ABLIM2: variants seen among roughly 807,000 people sequenced by gnomAD.
ABLIM2 encodes the protein actin binding LIM protein family member 2, also known as actin-binding LIM protein 2.
ABLIM2 carries 53 observed loss-of-function variants against 97.7 expected under a neutral mutation model. That is an observed-to-expected ratio of 0.54 (90% CI 0.44 to 0.68). The LOEUF is 0.68. Among genes scored for constraint, ABLIM2 ranks in the 30% least tolerant of loss-of-function variants. The pLI is 0.00. For synonymous variants in ABLIM2, 361 were observed against 345.8 expected, an observed-to-expected ratio of 1.04 and a Z score of -0.49; for missense variants, 835 against 867.2, an observed-to-expected ratio of 0.96 and a Z score of 0.47.
At chr4:8,048,257 T>C (rs1013926656) in intron 8 of ABLIM2, among the ~76,000 whole-genome samples, 5 of 152,164 alleles carry the variant, frequency 3.3e-5, no homozygotes, top group African/African-American at 1.2e-4. Context: ...CCAACTCCAA[T>C]CGCACAAAGG....
intron 1 of ABLIM2, among the ~76,000 whole-genome samples, chr4:8,141,461 GC>G (rs1374679099): frequency 1.3e-5 from 2 of 152,192 alleles, no homozygotes; most frequent in Non-Finnish European, 2.9e-5. Context: ...AATGATCTTT[GC>G]CAAACACATG....
At chr4:8,040,466 C>T (rs772249765) in intron 9 of ABLIM2, among the ~76,000 whole-genome samples, 1 of 152,090 alleles carries the variant, frequency 6.6e-6, no homozygotes, top group Non-Finnish European at 1.5e-5. Context: ...CAAAAGTTAG[C>T]CAGGCATGGT....
intron 10 of ABLIM2, among the ~76,000 whole-genome samples, chr4:8,031,697 G>T (rs912899598): frequency 1.3e-5 from 2 of 151,944 alleles, no homozygotes; most frequent in African/African-American, 4.8e-5. Flanking sequence ...TTGCCTCTGG[G>T]TGTCGTGGTG....
Position 8,132,560 on chromosome 4 carries a change from C to T in ABLIM2, c.11-25923G>A, listed in dbSNP as rs1849584921. Among the ~76,000 whole-genome samples the T allele has an allele frequency of 6.6e-6, 1 of 152,168 alleles. No individual in the cohort carries two copies. The highest frequency in any genetic ancestry group is 2.4e-5 in the African/African-American group (1 of 41,428). ...GCCTCCGTGGGGATGCTCCAGGCAC[C>T]TCACGGTCAGAAAACAGAATGCGGA... is the stretch of plus-strand genomic sequence containing the variant. On this transcript the variant is annotated intron_variant, in intron 1 of 20. Coordinates refer to ENST00000447017, the MANE Select transcript of ABLIM2 (RefSeq NM_001130083.2). This position sits in a 1 kb window ranked among gnomAD's most constrained non-coding sequence, Gnocchi z 8.0.
intron 10 of ABLIM2, 137 bp from the exon 11 acceptor site, chr4:8,029,913 T>A: frequency 8.1e-7 from 1 of 1,228,666 alleles, no homozygotes; most frequent in Non-Finnish European, 1.1e-6. Context: ...TGTGGGAATC[T>A]CCTGCACCTG....
chr4:8,076,744 G>A (rs867533040), intron 6 of ABLIM2, among the ~76,000 whole-genome samples: 2 of 139,656 alleles, frequency 1.4e-5, no homozygotes, highest in Non-Finnish European at 1.6e-5. Flanking sequence ...GTTGGGGGGG[G>A]TCTGTGAATC....
rs1275983414 is a variant in ABLIM2, at chr4:8,054,623, G to C, written c.764-377C>G. 2.6e-5 allele frequency among the ~76,000 whole-genome samples: 4 copies of C among 152,252 alleles called. No individual in the cohort carries two copies. The highest frequency in any genetic ancestry group is 4.4e-5 in the Non-Finnish European group (3 of 68,040). ...TTTCAAGTCCCTGCCTAGGATGTAG[G>C]ATTGGCTGCCTGCATGTTGAGGGCA... On this transcript the variant is annotated intron_variant, in intron 7 of 20. Coordinates refer to ENST00000447017, the MANE Select transcript of ABLIM2 (RefSeq NM_001130083.2). The surrounding 1 kb of genome is among the most constrained non-coding windows in gnomAD (Gnocchi z 4.9).
intron 12 of ABLIM2, among the ~76,000 whole-genome samples, chr4:8,026,899 AGTGGCCTTTTACCTGAGTGTGTG>A: frequency 6.8e-6 from 1 of 147,552 alleles, no homozygotes; most frequent in Admixed American, 6.7e-5. Flanking sequence ...GTGTGTCTGC[AGTGGCCTTTTACCTGAGTGTGTG>A]TGTCTGCAGT....
rs1711605217 is a variant in ABLIM2 at position 8,148,986 on chromosome 4, C to G, written c.10+9694G>C. ...TGCCAAGGCCCAGGGTCCCCAGACA[C>G]TACGGAGAGTCAGGCCACGCTGAGA... On this transcript the variant is annotated intron_variant, in intron 1 of 20. Coordinates refer to ENST00000447017, the MANE Select transcript of ABLIM2 (RefSeq NM_001130083.2). This position sits in a 1 kb window ranked among gnomAD's most constrained non-coding sequence, Gnocchi z 6.7. Among the ~76,000 whole-genome samples, 2 of 152,206 alleles carry G rather than the reference C, an allele frequency of 1.3e-5. No homozygotes were observed. Among genetic ancestry groups the G allele is most frequent in the South Asian group, 2.1e-4 (1 of 4,836 alleles).
Position 8,150,095 on chromosome 4 carries a change from G to A in ABLIM2, c.10+8585C>T, listed in dbSNP as rs1712126222. Among the ~76,000 whole-genome samples the A allele has an allele frequency of 6.6e-6, 1 of 152,204 alleles. No individual in the cohort carries two copies. The highest frequency in any genetic ancestry group is 6.5e-5 in the Admixed American group (1 of 15,284). ...AATGGAGAGAGTTGTGGGGCAAAGG[G>A]GTTGGAACATCATGAGGGCATTTGA... On this transcript the variant is annotated intron_variant, in intron 1 of 20. Coordinates refer to ENST00000447017, the MANE Select transcript of ABLIM2 (RefSeq NM_001130083.2). The surrounding 1 kb of genome is among the most constrained non-coding windows in gnomAD (Gnocchi z 6.3).
At chr4:8,084,144 T>G (rs1821727024) in intron 4 of ABLIM2, among the ~76,000 whole-genome samples, 1 of 152,198 alleles carries the variant, frequency 6.6e-6, no homozygotes, top group Admixed American at 6.5e-5. Flanking sequence ...ATCCACGAAC[T>G]TGGCTTGCAG....
At position 8,124,671 on chromosome 4, in the gene ABLIM2, G is replaced by C. The variant is rs1051501030; in HGVS notation, c.11-18034C>G. On this transcript the variant is annotated intron_variant, in intron 1 of 20. Coordinates refer to ENST00000447017, the MANE Select transcript of ABLIM2 (RefSeq NM_001130083.2). This position sits in a 1 kb window ranked among gnomAD's most constrained non-coding sequence, Gnocchi z 6.1. ...TCCATTAGTCAGTGGATGAACTTTG[G>C]GGCTGTGTCTACTTTTTGGTGATTG... Among the ~76,000 whole-genome samples, 2 of 152,182 alleles carry C rather than the reference G, an allele frequency of 1.3e-5. No individual in the cohort carries two copies. The highest frequency in any genetic ancestry group is 2.9e-5 in the Non-Finnish European group (2 of 68,044).
At chr4:8,028,887 G>T (rs564937579) in intron 11 of ABLIM2, among the ~76,000 whole-genome samples, 17 of 152,316 alleles carry the variant, frequency 1.1e-4, no homozygotes, top group East Asian at 1.9e-4. Context: ...TTCCACAAAG[G>T]CTGCAAAAAT....
chr4:8,025,631 C>T lies in ABLIM2; in HGVS notation c.1267+2128G>A, dbSNP rs186779215. ...AGAATTAGACGGTGGACACTCAGGA[C>T]GGGGCAGAGGAGGGGAGGGTCGCCA... On this transcript the variant is annotated intron_variant, in intron 12 of 20. Coordinates refer to ENST00000447017, the MANE Select transcript of ABLIM2 (RefSeq NM_001130083.2). 2.7e-3 allele frequency among the ~76,000 whole-genome samples: 404 copies of T among 152,190 alleles called. 10 individuals carry two copies. Among genetic ancestry groups the T allele is most frequent in the Admixed American group, 0.024 (363 of 15,302 alleles).
intron 14 of ABLIM2, among the ~76,000 whole-genome samples, chr4:8,012,579 A>G (rs1394093592): frequency 7.1e-6 from 1 of 140,784 alleles, no homozygotes; most frequent in East Asian, 2.2e-4. Flanking sequence ...CTGCCCATCC[A>G]TCCACCCATT....
chr4:8,053,974 C>G (rs1797526565), intron 8 of ABLIM2, among the ~76,000 whole-genome samples: 1 of 152,168 alleles, frequency 6.6e-6, no homozygotes, highest in Non-Finnish European at 1.5e-5. Context: ...TCTGTGATAT[C>G]AACAGAAAAC....
rs1809791158 is a variant in ABLIM2 at position 8,068,811 on chromosome 4, T to C, written c.676-7757A>G. 6.6e-6 allele frequency among the ~76,000 whole-genome samples: 1 copy of C among 152,272 alleles called. No homozygotes were observed. The highest frequency in any genetic ancestry group is 2.1e-4 in the South Asian group (1 of 4,838). Reference sequence around the variant, plus strand: ...CAGTCATCGGCCCAGTTCAGAGCTCTAGTTTCCTTTCTGAACTTCCAGAAC... The same window carrying C: ...CAGTCATCGGCCCAGTTCAGAGCTCCAGTTTCCTTTCTGAACTTCCAGAAC... On this transcript the variant is annotated intron_variant, in intron 6 of 20. Coordinates refer to ENST00000447017, the MANE Select transcript of ABLIM2 (RefSeq NM_001130083.2). This position sits in a 1 kb window ranked among gnomAD's most constrained non-coding sequence, Gnocchi z 4.5.
rs926963837 is a variant in ABLIM2, at chr4:8,150,228, G to A, written c.10+8452C>T. ...GATGTCATTTTCCATGTGCGATCCC[G>A]GGGACACTGAGGTCTGCAGAAGCAG... On this transcript the variant is annotated intron_variant, in intron 1 of 20. Coordinates refer to ENST00000447017, the MANE Select transcript of ABLIM2 (RefSeq NM_001130083.2). The surrounding 1 kb of genome is among the most constrained non-coding windows in gnomAD (Gnocchi z 6.3). 1.1e-4 allele frequency among the ~76,000 whole-genome samples: 17 copies of A among 152,288 alleles called. No individual in the cohort carries two copies. The highest frequency in any genetic ancestry group is 2.9e-4 in the African/African-American group (12 of 41,552).
In ABLIM2 at chr4:8,003,080, A is replaced by T. The variant is rs1201953748; in HGVS notation, c.1618+4979T>A. 6.6e-6 allele frequency among the ~76,000 whole-genome samples: 1 copy of T among 152,158 alleles called. No homozygotes were observed. The highest frequency in any genetic ancestry group is 1.5e-5 in the Non-Finnish European group (1 of 68,026). On this transcript the variant is annotated intron_variant, in intron 16 of 20. Transcript: ENST00000447017. The surrounding 1 kb of genome is among the most constrained non-coding windows in gnomAD (Gnocchi z 4.2). ...TTTTGGCCTCTGCTCTGTCCCCAGC[A>T]CCCAGGACAGCACCGGAACACACCA...
Sources: allele counts gnomAD v4.1 joint callset (sites outside exome capture counted in the v4.1 genomes callset), GRCh38; gene constraint gnomAD v4.1.1; non-coding constraint Gnocchi (gnomAD v3.1); transcripts MANE v1.5; gene names NCBI Gene and HGNC (gene_info 2026-07-23, HGNC 2026-07-21).